Variants in RAPGEF1 observed in about 807,000 individuals in gnomAD.
RAPGEF1 encodes CRK SH3-binding GNRP.
A neutral mutation model predicts 143.3 loss-of-function variants in RAPGEF1; 33 were observed. The observed-to-expected ratio is 0.23, with a 90% CI of 0.17 to 0.31. The LOEUF (loss-of-function observed/expected upper bound fraction) is 0.31. Ranked by LOEUF, RAPGEF1 falls within the 10% of genes least tolerant of loss-of-function variation. The pLI, the probability that RAPGEF1 is intolerant of heterozygous loss-of-function variation, is 1.00. For missense variants in RAPGEF1, 1,199 were observed against 1,645.4 expected (o/e 0.73, Z 4.69); for synonymous variants, 629 against 676.5 (o/e 0.93, Z 1.09).
At chr9:131,687,164 C>A (rs1833415421) in intron 1 of RAPGEF1, among the ~76,000 whole-genome samples, 1 of 152,118 alleles carries the variant, frequency 6.6e-6, no homozygotes, top group African/African-American at 2.4e-5. Context: ...AGTGGCCAAT[C>A]AAATAACTTG....
chr9:131,587,623 G>A, intron 22 of RAPGEF1, 113 bp downstream of exon 22: 1 of 978,358 alleles, frequency 1.0e-6, no homozygotes, highest in African/African-American at 1.6e-5. Flanking sequence ...TTAGCGGAAT[G>A]AAAGAGGCAG....
At chr9:131,659,282 A>T (rs1359485391) in intron 1 of RAPGEF1, among the ~76,000 whole-genome samples, 2 of 152,140 alleles carry the variant, frequency 1.3e-5, no homozygotes, top group African/African-American at 4.8e-5. Flanking sequence ...AAAGATGGAG[A>T]CAGAGGGCTA....
chr9:131,716,064 G>A (rs2131247402), intron 1 of RAPGEF1, among the ~76,000 whole-genome samples: 1 of 152,236 alleles, frequency 6.6e-6, no homozygotes, highest in East Asian at 1.9e-4. Context: ...AACTACATAT[G>A]CTGGCTCCCA....
intron 1 of RAPGEF1, among the ~76,000 whole-genome samples, chr9:131,726,121 T>G (rs776536456): frequency 6.6e-6 from 1 of 151,676 alleles, no homozygotes; most frequent in Non-Finnish European, 1.5e-5. Context: ...AACAGACAGA[T>G]AGTCAGCCAA....
chr9:131,691,674 CT>C (rs1470872704), intron 1 of RAPGEF1, among the ~76,000 whole-genome samples: 24 of 152,150 alleles, frequency 1.6e-4, no homozygotes, highest in Non-Finnish European at 2.9e-5. Context: ...TCTCTAATAA[CT>C]TTAAGATCAT....
intron 1 of RAPGEF1, among the ~76,000 whole-genome samples, chr9:131,731,468 G>C (rs1837068874): frequency 6.6e-6 from 1 of 152,176 alleles, no homozygotes. Flanking sequence ...CTCGTTTGGG[G>C]TCAGCTAAGT....
intron 1 of RAPGEF1, among the ~76,000 whole-genome samples, chr9:131,719,562 T>G (rs1836109311): frequency 2.8e-5 from 4 of 144,324 alleles, no homozygotes. Context: ...GCTTTTTTTT[T>G]TTTTTTTTTT....
chr9:131,619,059 C>T lies in RAPGEF1; in HGVS notation c.2053G>A (p.Val685Met), dbSNP rs775566028. ...SFLSRHGSLPVPSYKSVFRSY... is the reference protein window; with the variant it reads ...SFLSRHGSLPMPSYKSVFRSY... ...AGCAGGGAGCAACTCACCGAGGGCACGGGCAAGCTGCCGTGCCGGCTGAGA... is the reference window on the plus strand; with the variant it reads ...AGCAGGGAGCAACTCACCGAGGGCATGGGCAAGCTGCCGTGCCGGCTGAGA... The change falls in exon 12 of 27, where the codon GTG becomes ATG. Residue 685 changes from valine to methionine, a missense_variant. This residue lies in a region of RAPGEF1 where 293 missense variants were observed against 356.2 expected (regional missense o/e 0.82). Coordinates refer to ENST00000683357, the MANE Select transcript of RAPGEF1 (RefSeq NM_001377935.1). 55 of 1,358,694 alleles carry T rather than the reference C, an allele frequency of 4.0e-5. 1 individual carries two copies. The highest frequency in any genetic ancestry group is 1.3e-4 in the South Asian group (11 of 86,162). The allele number at this position is 1,358,694 out of a possible 1,614,324, so 84.2% of individuals were successfully genotyped here. A position where few individuals can be genotyped will look rare whatever the true frequency, so the allele number is the denominator to read the frequency against.
intron 12 of RAPGEF1, among the ~76,000 whole-genome samples, chr9:131,614,148 C>CT: frequency 6.6e-6 from 1 of 152,102 alleles, no homozygotes; most frequent in Non-Finnish European, 1.5e-5. Context: ...ACACCCCCCC[C>CT]CAAGGAGGGG....
At chr9:131,657,368 C>T (rs1972770803) in intron 1 of RAPGEF1, among the ~76,000 whole-genome samples, 1 of 152,220 alleles carries the variant, frequency 6.6e-6, no homozygotes, top group Non-Finnish European at 1.5e-5. Context: ...GCAGTGCCAC[C>T]AACTGCTCTC....
chr9:131,673,039 T>C (rs1461794696), intron 1 of RAPGEF1, among the ~76,000 whole-genome samples: 1 of 152,228 alleles, frequency 6.6e-6, no homozygotes, highest in African/African-American at 2.4e-5. Flanking sequence ...CTTGTTTATA[T>C]TTGGCTGTAG....
chr9:131,580,477 G>A lies in RAPGEF1; in HGVS notation c.3513-86C>T, dbSNP rs1258943874. 30 of 1,447,764 alleles carry A rather than the reference G, an allele frequency of 2.1e-5. No individual in the cohort carries two copies. The South Asian group carries it at 2.8e-4, about 14-fold the overall frequency. The allele number at this position is 1,447,764 out of a possible 1,614,324, so 89.7% of individuals were successfully genotyped here. ...AGACATGTGTCAGGCGCTAGGACTCGCAGTGAGCAGCTTCCAAACCCCAGA... is the reference window on the plus strand; with the variant it reads ...AGACATGTGTCAGGCGCTAGGACTCACAGTGAGCAGCTTCCAAACCCCAGA... On this transcript the variant is annotated intron_variant, in intron 25 of 26. Coordinates refer to ENST00000683357, the MANE Select transcript of RAPGEF1 (RefSeq NM_001377935.1).
At position 131,641,597 on chromosome 9, in the gene RAPGEF1, T is replaced by G. The variant is rs1967991914; in HGVS notation, c.494+1642A>C. Reference sequence around the variant, plus strand: ...GAGCTGATTTGTTTCAACTAGGCTTTAACTATTCCAAGGCAGAGACTACCA... The same window carrying G: ...GAGCTGATTTGTTTCAACTAGGCTTGAACTATTCCAAGGCAGAGACTACCA... On this transcript the variant is annotated intron_variant, in intron 4 of 26. Transcript: ENST00000683357. The surrounding 1 kb of genome is among the most constrained non-coding windows in gnomAD (Gnocchi z 4.6). Among the ~76,000 whole-genome samples, 1 of 152,224 alleles carries G rather than the reference T, an allele frequency of 6.6e-6. No individual in the cohort carries two copies. Among genetic ancestry groups the G allele is most frequent in the African/African-American group, 2.4e-5 (1 of 41,456 alleles).
chr9:131,715,085 T>C (rs1323817706), intron 1 of RAPGEF1, among the ~76,000 whole-genome samples: 1 of 152,054 alleles, frequency 6.6e-6, no homozygotes, highest in Non-Finnish European at 1.5e-5. Flanking sequence ...ACGTGTCGAA[T>C]GTCATAGGAA....
intron 3 of RAPGEF1, among the ~76,000 whole-genome samples, chr9:131,645,766 C>A (rs1969415401): frequency 6.6e-6 from 1 of 152,200 alleles, no homozygotes; most frequent in African/African-American, 2.4e-5. Context: ...CCTGCGCACC[C>A]CTCCTGCTGT....
Position 131,584,754 on chromosome 9 carries a change from C to G in RAPGEF1, c.3234-158G>C, listed in dbSNP as rs181891773. On this transcript the variant is annotated intron_variant, in intron 22 of 26. Transcript: ENST00000683357. This position sits in a 1 kb window ranked among gnomAD's most constrained non-coding sequence, Gnocchi z 6.8. The stretch of plus-strand genomic sequence containing the variant: ...CCTGCCCCAGGCATAGATCTAGTTT[C>G]TGCTCTCCAGGAGCTCATAACATCC... Among the ~76,000 whole-genome samples the G allele has an allele frequency of 6.6e-6, 1 of 152,324 alleles. No homozygotes were observed. Among genetic ancestry groups the G allele is most frequent in the African/African-American group, 2.4e-5 (1 of 41,576 alleles).
At chr9:131,580,510 A>C in intron 25 of RAPGEF1, 119 bp from the exon 26 acceptor site, 1 of 1,230,776 alleles carries the variant, frequency 8.1e-7, no homozygotes, top group Non-Finnish European at 1.1e-6. Context: ...AGAGCAAACC[A>C]AAGAGCCAGT....
chr9:131,630,395 G>A (rs1438140841), intron 5 of RAPGEF1, 71 bp from the exon 6 acceptor site: 80 of 1,457,902 alleles, frequency 5.5e-5, no homozygotes, highest in Non-Finnish European at 7.2e-5. Flanking sequence ...AGGCAGGCAG[G>A]TGCTGTCTGT....
At chr9:131,640,811 G>A (rs1004773147) in intron 4 of RAPGEF1, among the ~76,000 whole-genome samples, 27 of 152,292 alleles carry the variant, frequency 1.8e-4, no homozygotes, top group African/African-American at 6.3e-4. Context: ...CTGCACTTAG[G>A]GAGGAAAGAG....
Sources: allele counts gnomAD v4.1 joint callset (sites outside exome capture counted in the v4.1 genomes callset), GRCh38; gene constraint gnomAD v4.1.1; regional missense constraint gnomAD v4.1.1; non-coding constraint Gnocchi (gnomAD v3.1); transcripts MANE v1.5; gene names NCBI Gene and HGNC (gene_info 2026-07-23, HGNC 2026-07-21).